The following RPL36 variants were observed in gnomAD, a reference collection of about 807,000 sequenced individuals.
RPL36 encodes ribosomal protein L36.
For missense variants in RPL36, 131 were observed against 144.9 expected, an observed-to-expected ratio of 0.90 and a Z score of 0.49; for synonymous variants, 74 against 56.0, an observed-to-expected ratio of 1.32 and a Z score of -1.44.
chr19:5,690,517 C>T lies in RPL36; in HGVS notation c.10C>T (p.Arg4Cys), dbSNP rs369840691. Reference sequence around the variant, plus strand: ...GTCGCTGTCCGCAGCCATGGCCCTACGCTACCCTATGGCCGTGGGCCTCAA... The same window carrying T: ...GTCGCTGTCCGCAGCCATGGCCCTATGCTACCCTATGGCCGTGGGCCTCAA... Reference protein sequence around the residue: MALRYPMAVGLNKG... With the variant: MALCYPMAVGLNKG... The change falls in exon 2 of 4, where the codon CGC (arginine) becomes TGC (cysteine). Residue 4 changes from arginine to cysteine, a missense_variant. Coordinates refer to ENST00000347512, the MANE Select transcript of RPL36 (RefSeq NM_033643.3). 5.3e-5 allele frequency: 83 copies of T among 1,559,354 alleles called. No individual in the cohort carries two copies. The highest frequency in any genetic ancestry group is 6.5e-5 in the Non-Finnish European group (75 of 1,152,084).
At position 5,690,577 on chromosome 19, in the gene RPL36, C is replaced by T; in HGVS notation, c.70C>T (p.Pro24Ser). 1 of 1,570,374 alleles carries T rather than the reference C, an allele frequency of 6.4e-7. No homozygotes were observed. Among genetic ancestry groups the T allele is most frequent in the Non-Finnish European group, 8.6e-7 (1 of 1,158,630 alleles). ...CAAAGTGACCAAGAACGTGAGCAAG[C>T]CCAGGCACAGCCGACGCCGCGGGGT... ...GHKVTKNVSK[P>S]RHSRRRGRLT... Residue 24 changes from proline to serine, a missense_variant, in exon 2 of 4, where the codon CCC becomes TCC. Pro to Ser is a moderately conservative substitution (Grantham distance 74). Transcript: ENST00000347512.
intron 1 of RPL36, 53 bp from the exon 2 acceptor site, chr19:5,690,453 C>T (rs1450608786): frequency 1.5e-6 from 2 of 1,379,284 alleles, no homozygotes; most frequent in Non-Finnish European, 2.0e-6. Context: ...CTCTGGGCCT[C>T]GGGAACTGAG....
chr19:5,691,250 C>T (rs1302018305), intron 2 of RPL36, 69 bp from the exon 3 acceptor site: 3 of 1,604,796 alleles, frequency 1.9e-6, no homozygotes, highest in East Asian at 2.2e-5. Context: ...ATCGCGGCAG[C>T]GCGAGAGAAG....
chr19:5,691,528 G>T lies in RPL36; in HGVS notation c.229-4G>T. On this transcript the variant is annotated splice_region_variant and splice_polypyrimidine_tract_variant and intron_variant, in intron 3 of 3. Transcript: ENST00000347512. ...CGGGCTGACGGCGGCCTCGTCCCTGGCAGGTGGGGACGCACATCCGCGCCA... is the reference window on the plus strand; with the variant it reads ...CGGGCTGACGGCGGCCTCGTCCCTGTCAGGTGGGGACGCACATCCGCGCCA... 1 of 1,607,798 alleles carries T rather than the reference G, an allele frequency of 6.2e-7. No individual in the cohort carries two copies. Among genetic ancestry groups the T allele is most frequent in the Non-Finnish European group, 8.5e-7 (1 of 1,175,944 alleles).
At chr19:5,690,675 C>G in intron 2 of RPL36, 75 bp downstream of exon 2, 2 of 1,246,598 alleles carry the variant, frequency 1.6e-6, no homozygotes, top group Non-Finnish European at 2.3e-6. Flanking sequence ...CAAAGGCTCT[C>G]GACCTGAAAG....
intron 2 of RPL36, chr19:5,690,941 C>A: frequency 1.9e-6 from 1 of 535,226 alleles, no homozygotes; most frequent in South Asian, 2.1e-5. Flanking sequence ...TCAGGTGTGT[C>A]AGTGTATTGG....
chr19:5,691,348 G>A lies in RPL36; in HGVS notation c.123G>A (p.Arg41=). The part of the protein sequence containing the change: ...GRLTKHTKFV[R]DMIREVCGFA... ...TGACCAAACACACCAAGTTCGTGCGGGACATGATTCGGGAGGTGTGTGGCT... is the reference window on the plus strand; with the variant it reads ...TGACCAAACACACCAAGTTCGTGCGAGACATGATTCGGGAGGTGTGTGGCT... Residue 41 remains arginine, a synonymous_variant, in exon 3 of 4, where the codon CGG becomes CGA. Transcript: ENST00000347512. The A allele has an allele frequency of 6.2e-7, 1 of 1,613,266 alleles. No homozygotes were observed. The highest frequency in any genetic ancestry group is 1.1e-5 in the South Asian group (1 of 91,026).
chr19:5,691,553 A>C lies in RPL36; in HGVS notation c.250A>C (p.Lys84Gln). 1 of 1,611,844 alleles carries C rather than the reference A, an allele frequency of 6.2e-7. No homozygotes were observed. Among genetic ancestry groups the C allele is most frequent in the Non-Finnish European group, 8.5e-7 (1 of 1,179,890 alleles). ...KKRVGTHIRA[K>Q]RKREELSNVL... ...GCAGGTGGGGACGCACATCCGCGCCAAGAGGAAGCGGGAGGAGCTGAGCAA... is the reference window on the plus strand; with the variant it reads ...GCAGGTGGGGACGCACATCCGCGCCCAGAGGAAGCGGGAGGAGCTGAGCAA... Residue 84 changes from lysine (K) to glutamine (Q), a missense_variant, in exon 4 of 4, where the codon AAG becomes CAG. Lys to Gln is a moderately conservative substitution (Grantham distance 53, BLOSUM62 1). Transcript: ENST00000347512.
rs757289190 is a variant in RPL36, at chr19:5,691,679, C to G, written c.*58C>G. Reference sequence around the variant, plus strand: ...ACAGCTTGACAGAAGCCCTGGCTCTCCTGCTGTCCGTGGGTGGGTGTGGGT... The same window carrying G: ...ACAGCTTGACAGAAGCCCTGGCTCTGCTGCTGTCCGTGGGTGGGTGTGGGT... On this transcript the variant is annotated 3_prime_UTR_variant, in exon 4 of 4. Transcript: ENST00000347512. 2.2e-5 allele frequency: 34 copies of G among 1,525,622 alleles called. No homozygotes were observed. The highest frequency in any genetic ancestry group is 2.9e-5 in the Non-Finnish European group (33 of 1,124,168). 94.5% of individuals were successfully genotyped at this position (1,525,622 alleles called of 1,614,324 possible).
rs1302509148 is a variant in RPL36 at position 5,691,739 on chromosome 19, GCT to G, written c.*121_*122del. The G allele has an allele frequency of 8.9e-7, 1 of 1,124,420 alleles. No individual in the cohort carries two copies. The highest frequency in any genetic ancestry group is 1.3e-6 in the Non-Finnish European group (1 of 766,042). 69.7% of individuals were successfully genotyped at this position (1,124,420 alleles called of 1,614,324 possible). On this transcript the variant is annotated 3_prime_UTR_variant, in exon 4 of 4. Transcript: ENST00000347512. The stretch of plus-strand genomic sequence containing the variant: ...GCCCGCAGTCCCCTGTCTGGTGCCC[GCT>G]CTGAGCCACACCCTCTCCGGGTGCT...
chr19:5,690,751 T>G (rs2054806780), intron 2 of RPL36, 151 bp downstream of exon 2: 7 of 673,912 alleles, frequency 1.0e-5, no homozygotes, highest in Admixed American at 2.3e-5. Flanking sequence ...GGAGTGGGAC[T>G]TCCTGCCTGG....
intron 2 of RPL36, 144 bp from the exon 3 acceptor site, chr19:5,691,175 A>G (rs1029478135): frequency 8.1e-7 from 1 of 1,232,952 alleles, no homozygotes; most frequent in Non-Finnish European, 1.2e-6. Context: ...GCGCGGCGAA[A>G]AGCGCTAGGC....
chr19:5,690,748 G>T lies in RPL36; in HGVS notation c.93+148G>T, dbSNP rs2054806729. The T allele has an allele frequency of 8.8e-6, 6 of 684,398 alleles. No homozygotes were observed. In the East Asian group the frequency reaches 1.6e-4, roughly 19 times the overall value. 42.4% of individuals were successfully genotyped at this position (684,398 alleles called of 1,614,324 possible). A position where few individuals can be genotyped will look rare whatever the true frequency, so the allele number is the denominator to read the frequency against. The stretch of plus-strand genomic sequence containing the variant: ...TGGAAGAGATGGGGTGGGGGAGTGG[G>T]ACTTCCTGCCTGGTGCTCGAAGGCG... On this transcript the variant is annotated intron_variant, in intron 2 of 3. Coordinates refer to ENST00000347512, the MANE Select transcript of RPL36 (RefSeq NM_033643.3).
chr19:5,691,862 G>T lies in RPL36; in HGVS notation c.*241G>T. 1.2e-6 allele frequency: 1 copy of T among 814,404 alleles called. No homozygotes were observed. The highest frequency in any genetic ancestry group is 1.9e-6 in the Non-Finnish European group (1 of 527,492). 50.4% of individuals were successfully genotyped at this position (814,404 alleles called of 1,614,324 possible). A position where few individuals can be genotyped will look rare whatever the true frequency, so the allele number is the denominator to read the frequency against. On this transcript the variant is annotated 3_prime_UTR_variant, in exon 4 of 4. Coordinates refer to ENST00000347512, the MANE Select transcript of RPL36 (RefSeq NM_033643.3). ...TGCAAATGACTTTAATCATTAAATA[G>T]CTTCTATGCCACACTCTGATTAAGC...
rs2054799825 is a variant in RPL36 at position 5,690,339 on chromosome 19, C to T, written c.-3+12C>T. Reference sequence around the variant, plus strand: ...CTGGAGAGCAGCAGGTAAGTGGTTTCCCGCACTGCCGGTATCCGCCGCCAT... The same window carrying T: ...CTGGAGAGCAGCAGGTAAGTGGTTTTCCGCACTGCCGGTATCCGCCGCCAT... On this transcript the variant is annotated intron_variant, in intron 1 of 3. Coordinates refer to ENST00000347512, the MANE Select transcript of RPL36 (RefSeq NM_033643.3). The T allele has an allele frequency of 7.5e-6, 5 of 669,150 alleles. No individual in the cohort carries two copies. The highest frequency in any genetic ancestry group is 1.8e-5 in the African/African-American group (1 of 56,486). The allele number at this position is 669,150 out of a possible 1,614,324, so 41.5% of individuals were successfully genotyped here. A position where few individuals can be genotyped will look rare whatever the true frequency, so the allele number is the denominator to read the frequency against.
Position 5,691,356 on chromosome 19 carries a change from T to G in RPL36, c.131T>G (p.Ile44Ser), listed in dbSNP as rs1463014513. 1 of 1,613,300 alleles carries G rather than the reference T, an allele frequency of 6.2e-7. No homozygotes were observed. ...TKHTKFVRDM[I>S]REVCGFAPYE... is the part of the protein sequence containing the mutation. ...CACACCAAGTTCGTGCGGGACATGA[T>G]TCGGGAGGTGTGTGGCTTTGCCCCG... The change falls in exon 3 of 4, where the codon ATT (isoleucine) becomes AGT (serine). Residue 44 changes from isoleucine to serine, a missense_variant. Transcript: ENST00000347512.
chr19:5,691,789 G>A lies in RPL36; in HGVS notation c.*168G>A, dbSNP rs1487018476. 7 of 895,138 alleles carry A rather than the reference G, an allele frequency of 7.8e-6. No individual in the cohort carries two copies. The highest frequency in any genetic ancestry group is 6.6e-5 in the African/African-American group (4 of 60,650). The allele number at this position is 895,138 out of a possible 1,614,324, so 55.4% of individuals were successfully genotyped here. On this transcript the variant is annotated 3_prime_UTR_variant, in exon 4 of 4. Coordinates refer to ENST00000347512, the MANE Select transcript of RPL36 (RefSeq NM_033643.3). ...GCTGCCTGGTCGTGAATCAAAAGCCGTGGCCCGCCCACCCTTCCCGGGGCA... is the reference window on the plus strand; with the variant it reads ...GCTGCCTGGTCGTGAATCAAAAGCCATGGCCCGCCCACCCTTCCCGGGGCA...
rs1001159971 is a variant in RPL36, at chr19:5,691,638, C to T, written c.*17C>T. On this transcript the variant is annotated 3_prime_UTR_variant, in exon 4 of 4. Transcript: ENST00000347512. ...AAAGACTGAGCCCCTCCCCTGCCCT[C>T]TCCCTGAAATAAAGAACAGCTTGAC... is the stretch of plus-strand genomic sequence containing the variant. 2 of 1,592,982 alleles carry T rather than the reference C, an allele frequency of 1.3e-6. No individual in the cohort carries two copies. The highest frequency in any genetic ancestry group is 8.5e-7 in the Non-Finnish European group (1 of 1,170,836).
chr19:5,691,119 C>T (rs1243345135), intron 2 of RPL36, 200 bp from the exon 3 acceptor site: 2 of 693,140 alleles, frequency 2.9e-6, no homozygotes, highest in Non-Finnish European at 2.5e-6. Flanking sequence ...TGCGTCCTGC[C>T]AGTGTTGCGG....
Sources: allele counts gnomAD v4.1 joint callset, GRCh38; gene constraint gnomAD v4.1.1; transcripts MANE v1.5; gene names NCBI Gene and HGNC (gene_info 2026-07-23, HGNC 2026-07-21).